The following ITPK1 variants were observed in gnomAD, a reference collection of about 807,000 sequenced individuals.
The protein encoded by ITPK1 is inositol-tetrakisphosphate 1-kinase.
A neutral mutation model predicts 45.3 loss-of-function variants in ITPK1; 21 were observed. That is an observed-to-expected ratio of 0.46 (90% CI 0.33 to 0.67). The LOEUF (loss-of-function observed/expected upper bound fraction) is 0.67. Among genes scored for constraint, ITPK1 ranks in the 30% least tolerant of loss-of-function variants. The pLI, the probability that ITPK1 is intolerant of heterozygous loss-of-function variation, is 0.02. For missense variants in ITPK1, 474 were observed against 573.5 expected (o/e 0.83, Z 1.77); for synonymous variants, 258 against 253.6 (o/e 1.02, Z -0.16).
chr14:93,073,995 A>C (rs1891120423), intron 3 of ITPK1, among the ~76,000 whole-genome samples: 1 of 151,830 alleles, frequency 6.6e-6, no homozygotes, highest in Non-Finnish European at 1.5e-5. Context: ...GACTGCAAAC[A>C]CCCCCAGCTC....
chr14:93,026,816 CAAG>C (rs1250780365), intron 3 of ITPK1, among the ~76,000 whole-genome samples: 2 of 152,112 alleles, frequency 1.3e-5, no homozygotes, highest in Non-Finnish European at 1.5e-5. Context: ...GAAAGATCTC[CAAG>C]AAGGGGCCGA....
chr14:93,081,676 T>C (rs1251988799), intron 2 of ITPK1, among the ~76,000 whole-genome samples: 2 of 152,088 alleles, frequency 1.3e-5, no homozygotes, highest in Non-Finnish European at 2.9e-5. Context: ...AACTGAAGGG[T>C]AACTACAGAC....
chr14:93,011,098 A>G (rs899978664), intron 4 of ITPK1, among the ~76,000 whole-genome samples: 1 of 152,260 alleles, frequency 6.6e-6, no homozygotes. Flanking sequence ...ACTATGCAGT[A>G]TTGGGTTCCC....
chr14:93,017,607 C>A (rs563354020), intron 3 of ITPK1, among the ~76,000 whole-genome samples: 3 of 152,336 alleles, frequency 2.0e-5, no homozygotes, highest in South Asian at 4.1e-4. Flanking sequence ...GTCTCCCTCC[C>A]GGCACGCGGC....
chr14:93,008,374 A>G (rs1014818065), intron 4 of ITPK1, among the ~76,000 whole-genome samples: 2 of 136,896 alleles, frequency 1.5e-5, no homozygotes, highest in Admixed American at 1.5e-4. Flanking sequence ...TCATTGTTGC[A>G]TCTGTAATGT....
intron 9 of ITPK1, among the ~76,000 whole-genome samples, chr14:92,950,081 TG>T (rs1248216267): frequency 1.3e-5 from 2 of 152,226 alleles, no homozygotes; most frequent in Non-Finnish European, 2.9e-5. Context: ...CGCCTTAGCT[TG>T]GGCCGGACCC....
intron 5 of ITPK1, among the ~76,000 whole-genome samples, chr14:92,986,807 T>G (rs757942505): frequency 1.4e-4 from 21 of 152,304 alleles, no homozygotes; most frequent in Non-Finnish European, 2.9e-4. Flanking sequence ...GCATCTCTCC[T>G]GCAGGGTGCC....
chr14:93,115,549 G>C (rs1466018876), intron 1 of ITPK1, among the ~76,000 whole-genome samples: 1 of 149,866 alleles, frequency 6.7e-6, no homozygotes, highest in Non-Finnish European at 1.5e-5. Context: ...AGGGGAAGCC[G>C]GGCCTCCGCA....
At chr14:93,106,968 T>TC (rs2140033208) in intron 2 of ITPK1, among the ~76,000 whole-genome samples, 1 of 151,982 alleles carries the variant, frequency 6.6e-6, no homozygotes, top group East Asian at 1.9e-4. Context: ...AACATACTTT[T>TC]TTTTTTTGAG....
At chr14:93,008,779 C>T (rs537919358) in intron 4 of ITPK1, among the ~76,000 whole-genome samples, 9 of 152,358 alleles carry the variant, frequency 5.9e-5, no homozygotes, top group African/African-American at 2.2e-4. Flanking sequence ...ATGCCACTCA[C>T]ACAAACCAGG....
intron 10 of ITPK1, among the ~76,000 whole-genome samples, chr14:92,943,695 G>A (rs1887548089): frequency 6.6e-6 from 1 of 152,250 alleles, no homozygotes; most frequent in Admixed American, 6.5e-5. Flanking sequence ...TGCCTCCACG[G>A]AGGCCTGAGG....
intron 3 of ITPK1, among the ~76,000 whole-genome samples, chr14:93,057,110 T>A (rs1360661407): frequency 6.6e-6 from 1 of 152,172 alleles, no homozygotes; most frequent in Non-Finnish European, 1.5e-5. Context: ...GGATGAGTAA[T>A]GCTGTCAGGA....
rs147896923 is a variant in ITPK1 at position 92,938,046 on chromosome 14, G to A, written c.*3515C>T. On this transcript the variant is annotated 3_prime_UTR_variant, in exon 11 of 11. Coordinates refer to ENST00000267615, the MANE Select transcript of ITPK1 (RefSeq NM_014216.6). ...GCGATCTTGGCTCACTGCAACCTAC[G>A]CCTCCCGAGTTCAAGCAATTCTCCT... The A allele has an allele frequency of 4.0e-3, 798 of 198,634 alleles. 9 individuals are homozygous for A. The highest frequency in any genetic ancestry group is 0.018 in the African/African-American group (751 of 42,442). 12.3% of individuals were successfully genotyped at this position (198,634 alleles called of 1,614,324 possible).
In ITPK1 at chr14:93,102,361, C is replaced by G. The variant is rs112887624; in HGVS notation, c.95+12708G>C. On this transcript the variant is annotated intron_variant, in intron 2 of 10. Coordinates refer to ENST00000267615, the MANE Select transcript of ITPK1 (RefSeq NM_014216.6). ...AGCAAAACCTTTCTCCAACACGATC[C>G]CAATGCCGCGGGACACACCTTCCTG... is the stretch of plus-strand genomic sequence containing the variant. Among the ~76,000 whole-genome samples, 891 of 152,398 alleles carry G rather than the reference C, an allele frequency of 5.8e-3. 8 individuals are homozygous for G. Among genetic ancestry groups the G allele is most frequent in the African/African-American group, 0.02 (835 of 41,594 alleles).
At position 93,076,492 on chromosome 14, in the gene ITPK1, A is replaced by T; in HGVS notation, c.120+103T>A. ...TAAAAACAAGCTGCACGTGAAGAAG[A>T]GAGAAAGCCGTGCCCAATGCTGGAG... On this transcript the variant is annotated intron_variant, in intron 3 of 10. Transcript: ENST00000267615. The surrounding 1 kb of genome is among the most constrained non-coding windows in gnomAD (Gnocchi z 4.3). 2.3e-6 allele frequency: 3 copies of T among 1,319,664 alleles called. No individual in the cohort carries two copies. Among genetic ancestry groups the T allele is most frequent in the Non-Finnish European group, 3.3e-6 (3 of 922,562 alleles). The allele number at this position is 1,319,664 out of a possible 1,614,324, so 81.7% of individuals were successfully genotyped here.
At chr14:92,979,198 T>C (rs1886096734) in intron 5 of ITPK1, among the ~76,000 whole-genome samples, 1 of 152,246 alleles carries the variant, frequency 6.6e-6, no homozygotes, top group Non-Finnish European at 1.5e-5. Flanking sequence ...CCTGTAGTTC[T>C]TGTTTGGGCT....
chr14:93,106,320 T>G (rs963292595), intron 2 of ITPK1, among the ~76,000 whole-genome samples: 4 of 151,776 alleles, frequency 2.6e-5, no homozygotes, highest in African/African-American at 9.7e-5. Flanking sequence ...AAGGTCACAC[T>G]GTCAGGAAAC....
At chr14:93,041,584 T>C (rs1242092891) in intron 3 of ITPK1, among the ~76,000 whole-genome samples, 1 of 152,184 alleles carries the variant, frequency 6.6e-6, no homozygotes, top group African/African-American at 2.4e-5. Context: ...ACAGTGAAAG[T>C]AGGCCCTGTG....
intron 4 of ITPK1, among the ~76,000 whole-genome samples, chr14:93,002,419 G>A (rs2139826113): frequency 6.6e-6 from 1 of 152,368 alleles, no homozygotes; most frequent in East Asian, 1.9e-4. Flanking sequence ...CCTGCGAGCA[G>A]TGGCCAAGAT....
Sources: allele counts gnomAD v4.1 joint callset (sites outside exome capture counted in the v4.1 genomes callset), GRCh38; gene constraint gnomAD v4.1.1; non-coding constraint Gnocchi (gnomAD v3.1); transcripts MANE v1.5; gene names NCBI Gene and HGNC (gene_info 2026-07-23, HGNC 2026-07-21).